Variants in GSE1 observed in about 807,000 individuals in gnomAD.
The protein encoded by GSE1 is genetic suppressor element 1.
GSE1 carries 32 observed loss-of-function variants against 112.6 expected under a neutral mutation model. The observed-to-expected ratio is 0.28, with a 90% CI of 0.21 to 0.38. GSE1 has a LOEUF of 0.38. GSE1 is among the 10% of genes least tolerant of loss of function. GSE1 has a pLI of 1.00. For synonymous variants in GSE1, 1,115 were observed against 735.6 expected (o/e 1.52, Z -8.35); for missense variants, 2,348 against 1,699.2 (o/e 1.38, Z -6.71).
intron 1 of GSE1, among the ~76,000 whole-genome samples, chr16:85,213,734 A>G (rs2075265090): frequency 6.6e-6 from 1 of 152,248 alleles, no homozygotes; most frequent in Non-Finnish European, 1.5e-5. Flanking sequence ...CAGGGACCAC[A>G]TGACCTTGAA....
At chr16:85,214,024 A>G (rs999934976) in intron 1 of GSE1, among the ~76,000 whole-genome samples, 1 of 152,238 alleles carries the variant, frequency 6.6e-6, no homozygotes, top group African/African-American at 2.4e-5. Flanking sequence ...ATCTCTTGCC[A>G]GGCTGGCACC....
At chr16:85,462,606 C>A (rs1201675640) in intron 2 of GSE1, among the ~76,000 whole-genome samples, 2 of 148,164 alleles carry the variant, frequency 1.3e-5, no homozygotes, top group East Asian at 4.0e-4. Context: ...GAGGTCAGGA[C>A]AACTCAGCAG....
chr16:85,665,064 G>C lies in GSE1; in HGVS notation c.2694G>C (p.Leu898=). 1 of 1,613,092 alleles carries C rather than the reference G, an allele frequency of 6.2e-7. No homozygotes were observed. Among genetic ancestry groups the C allele is most frequent in the Non-Finnish European group, 8.5e-7 (1 of 1,179,272 alleles). The part of the protein sequence containing the change: ...EMLRAMKQKA[L]SAAVADSLTN... ...TCCGTGCCATGAAGCAGAAGGCACTGTCAGCAGCAGTGGCCGACTCCTTGA... is the reference window on the plus strand; with the variant it reads ...TCCGTGCCATGAAGCAGAAGGCACTCTCAGCAGCAGTGGCCGACTCCTTGA... The change falls in exon 12 of 16, where the codon CTG becomes CTC. Residue 898 remains leucine (L), a synonymous_variant. Coordinates refer to ENST00000253458, the MANE Select transcript of GSE1 (RefSeq NM_014615.5).
intron 2 of GSE1, among the ~76,000 whole-genome samples, chr16:85,421,276 GC>G (rs2048838987): frequency 6.6e-6 from 1 of 152,022 alleles, no homozygotes; most frequent in Non-Finnish European, 1.5e-5. Context: ...GGTCTCTCGG[GC>G]CCTGGCCCCA....
rs2053597894 is a variant in GSE1 at position 85,674,901 on chromosome 16, G to C, written c.*2362G>C. On this transcript the variant is annotated 3_prime_UTR_variant, in exon 16 of 16. Transcript: ENST00000253458. ...TCCTTCCACCTACTTGTGGCGATCT[G>C]AGTACTCTACTCTTGCTCAAGAAGT... 2 of 152,582 alleles carry C rather than the reference G, an allele frequency of 1.3e-5. No homozygotes were observed. The highest frequency in any genetic ancestry group is 2.9e-5 in the Non-Finnish European group (2 of 68,044). The allele number at this position is 152,582 out of a possible 1,614,324, so 9.5% of individuals were successfully genotyped here.
At chr16:85,566,650 T>C (rs2045760665) in intron 1 of GSE1, among the ~76,000 whole-genome samples, 2 of 152,234 alleles carry the variant, frequency 1.3e-5, no homozygotes, top group Non-Finnish European at 1.5e-5. Flanking sequence ...TGTCTCAGAC[T>C]CTGGGGCCTT....
chr16:85,501,659 G>T (rs996008563), intron 2 of GSE1, among the ~76,000 whole-genome samples: 1 of 152,148 alleles, frequency 6.6e-6, no homozygotes, highest in Non-Finnish European at 1.5e-5. Context: ...CTCCCAAAGC[G>T]CTAGGATTAC....
intron 1 of GSE1, among the ~76,000 whole-genome samples, chr16:85,591,901 C>T (rs1231227846): frequency 2.6e-5 from 4 of 152,206 alleles, no homozygotes; most frequent in South Asian, 2.1e-4. Flanking sequence ...GTTCTAGATC[C>T]GCGATGCCCA....
chr16:85,240,882 A>G (rs1294878936), intron 1 of GSE1, among the ~76,000 whole-genome samples: 2 of 152,174 alleles, frequency 1.3e-5, no homozygotes, highest in Non-Finnish European at 2.9e-5. Flanking sequence ...CGCAGGACCC[A>G]GGGAAGCAGA....
At chr16:85,369,750 C>T (rs1158930605) in intron 2 of GSE1, among the ~76,000 whole-genome samples, 1 of 152,214 alleles carries the variant, frequency 6.6e-6, no homozygotes, top group African/African-American at 2.4e-5. Flanking sequence ...ACACACTCTC[C>T]CTGGCTGGGC....
In GSE1 at chr16:85,239,982, C is replaced by G. The variant is rs114300284; in HGVS notation, c.2283+68175C>G. On this transcript the variant is annotated intron_variant, in intron 1 of 2. Transcript: ENST00000637419. Reference sequence around the variant, plus strand: ...CAGGCCTGACATTGAACTGTGTGCGCTTCACTGTAAATGTCTGTGGCCTGG... The same window carrying G: ...CAGGCCTGACATTGAACTGTGTGCGGTTCACTGTAAATGTCTGTGGCCTGG... Among the ~76,000 whole-genome samples the G allele has an allele frequency of 6.9e-3, 1,052 of 152,356 alleles. 20 individuals carry two copies. The highest frequency in any genetic ancestry group is 0.024 in the African/African-American group (986 of 41,582).
intron 2 of GSE1, among the ~76,000 whole-genome samples, chr16:85,544,508 A>G (rs931384242): frequency 6.6e-6 from 1 of 152,194 alleles, no homozygotes; most frequent in Non-Finnish European, 1.5e-5. Flanking sequence ...TTTCTTTGCA[A>G]GGTAAAGGCA....
At chr16:85,215,887 G>C (rs1355104427) in intron 1 of GSE1, among the ~76,000 whole-genome samples, 2 of 152,218 alleles carry the variant, frequency 1.3e-5, no homozygotes, top group African/African-American at 4.8e-5. Context: ...AACAGGATCA[G>C]GTTGTTGGCT....
intron 1 of GSE1, among the ~76,000 whole-genome samples, chr16:85,284,152 G>T (rs561098725): frequency 6.6e-6 from 1 of 152,380 alleles, no homozygotes; most frequent in East Asian, 1.9e-4. Context: ...CCCGGCCCAG[G>T]AGAAGGCCCG....
intron 2 of GSE1, among the ~76,000 whole-genome samples, chr16:85,387,992 G>GGGGATGGA (rs2047725921): frequency 9.7e-6 from 1 of 103,140 alleles, no homozygotes; most frequent in African/African-American, 4.4e-5. Flanking sequence ...GGATGGGTGG[G>GGGGATGGA]TGGATGGATG....
chr16:85,492,597 G>A (rs1332447108), intron 2 of GSE1, among the ~76,000 whole-genome samples: 4 of 152,308 alleles, frequency 2.6e-5, no homozygotes, highest in South Asian at 2.1e-4. Flanking sequence ...CAGAGAGGCC[G>A]AACAGCTTGT....
rs570074155 is a variant in GSE1, at chr16:85,507,927, G to T, written c.2465-125987G>T. ...CGCCTCGTGTGTTTCTATGGGCTGA[G>T]CTCACCATGTAATGGGCCCCTGCAT... On this transcript the variant is annotated intron_variant, in intron 2 of 2. Transcript: ENST00000637419. Among the ~76,000 whole-genome samples, 3 of 152,316 alleles carry T rather than the reference G, an allele frequency of 2.0e-5. No homozygotes were observed. The South Asian group carries it at 6.2e-4, about 32-fold the overall frequency.
At chr16:85,558,372 A>C (rs1010501831) in intron 1 of GSE1, among the ~76,000 whole-genome samples, 1 of 152,198 alleles carries the variant, frequency 6.6e-6, no homozygotes, top group Non-Finnish European at 1.5e-5. Context: ...TCTTAAGTAC[A>C]GGGCGTCTTC....
At chr16:85,506,461 G>C (rs929326666) in intron 2 of GSE1, among the ~76,000 whole-genome samples, 3 of 152,090 alleles carry the variant, frequency 2.0e-5, no homozygotes, top group South Asian at 2.1e-4. Context: ...GGGAGGGAAG[G>C]GTTCTTCCAG....
Sources: allele counts gnomAD v4.1 joint callset (sites outside exome capture counted in the v4.1 genomes callset), GRCh38; gene constraint gnomAD v4.1.1; transcripts MANE v1.5; gene names NCBI Gene and HGNC (gene_info 2026-07-23, HGNC 2026-07-21).